Variants in CNTNAP2 observed in about 807,000 individuals in gnomAD.
CNTNAP2 encodes the protein contactin associated protein 2.
In CNTNAP2, 98 loss-of-function variants were observed where a neutral mutation model predicts 155.2. That is an observed-to-expected ratio of 0.63 (90% CI 0.54 to 0.75). The LOEUF (loss-of-function observed/expected upper bound fraction) is 0.75. Ranked by LOEUF, CNTNAP2 falls within the 30% of genes least tolerant of loss-of-function variation. CNTNAP2 has a pLI of 0.00. For synonymous variants in CNTNAP2, 651 were observed against 631.2 expected (o/e 1.03, Z -0.47); for missense variants, 1,727 against 1,688.1 (o/e 1.02, Z -0.40).
At chr7:148,290,110 C>T (rs571631927) in intron 21 of CNTNAP2, among the ~76,000 whole-genome samples, 10 of 152,072 alleles carry the variant, frequency 6.6e-5, no homozygotes, top group East Asian at 3.9e-4. Context: ...TAAGTAGTCA[C>T]GGTATCCTAG....
chr7:147,939,618 C>T (rs536394400), intron 14 of CNTNAP2, among the ~76,000 whole-genome samples: 1 of 152,150 alleles, frequency 6.6e-6, no homozygotes, highest in African/African-American at 2.4e-5. Flanking sequence ...TGAGCCACCA[C>T]GCCTGGCCTC....
At chr7:147,473,344 G>T (rs1798260786) in intron 10 of CNTNAP2, among the ~76,000 whole-genome samples, 1 of 152,118 alleles carries the variant, frequency 6.6e-6, no homozygotes, top group South Asian at 2.1e-4. Flanking sequence ...AAGAAAAGTT[G>T]ATAATTCTGG....
At chr7:146,152,594 A>G (rs903474480) in intron 1 of CNTNAP2, among the ~76,000 whole-genome samples, 5 of 152,138 alleles carry the variant, frequency 3.3e-5, no homozygotes, top group African/African-American at 7.2e-5. Flanking sequence ...TCCACCATGT[A>G]TATATATTTA....
chr7:147,568,440 A>G (rs969912380), intron 12 of CNTNAP2, among the ~76,000 whole-genome samples: 3 of 152,176 alleles, frequency 2.0e-5, no homozygotes, highest in Non-Finnish European at 4.4e-5. Context: ...CCTAAATTAT[A>G]GAGCATTTCA....
chr7:146,655,424 AAAAAAAAAAAG>A (rs1799980587), intron 1 of CNTNAP2, among the ~76,000 whole-genome samples: 1 of 151,314 alleles, frequency 6.6e-6, no homozygotes, highest in African/African-American at 2.4e-5. Context: ...AAAAAAAAAA[AAAAAAAAAAAG>A]AAAGAAAAAT....
chr7:147,584,820 A>G (rs1800585550), intron 12 of CNTNAP2, among the ~76,000 whole-genome samples: 1 of 152,192 alleles, frequency 6.6e-6, no homozygotes, highest in South Asian at 2.1e-4. Context: ...ATGCTTACAC[A>G]GGCCTCTCTC....
At chr7:146,266,151 C>A (rs1232600496) in intron 1 of CNTNAP2, among the ~76,000 whole-genome samples, 1 of 152,112 alleles carries the variant, frequency 6.6e-6, no homozygotes, top group Non-Finnish European at 1.5e-5. Context: ...AGAAGATTAG[C>A]AAAGGCTCCC....
At chr7:147,471,757 C>T in intron 10 of CNTNAP2, among the ~76,000 whole-genome samples, 1 of 152,188 alleles carries the variant, frequency 6.6e-6, no homozygotes, top group East Asian at 1.9e-4. Flanking sequence ...AGGAAACAGA[C>T]ATGTTCCCTA....
intron 13 of CNTNAP2, among the ~76,000 whole-genome samples, chr7:147,643,221 G>C (rs1027280694): frequency 6.6e-6 from 1 of 152,134 alleles, no homozygotes; most frequent in Non-Finnish European, 1.5e-5. Context: ...GGGCTTGTCT[G>C]ACCCATTGAA....
intron 1 of CNTNAP2, among the ~76,000 whole-genome samples, chr7:146,542,222 T>A (rs1797963384): frequency 1.3e-5 from 2 of 151,878 alleles, no homozygotes; most frequent in South Asian, 4.1e-4. Context: ...TAGTTTAATG[T>A]GATAGAGGAA....
At chr7:147,878,898 C>A (rs1295537813) in intron 13 of CNTNAP2, among the ~76,000 whole-genome samples, 1 of 152,122 alleles carries the variant, frequency 6.6e-6, no homozygotes, top group East Asian at 1.9e-4. Context: ...TGACAGGGCT[C>A]AATGAAGATG....
rs568659539 is a variant in CNTNAP2 at position 147,015,328 on chromosome 7, A to G, written c.403-28579A>G. Among the ~76,000 whole-genome samples the G allele has an allele frequency of 1.7e-4, 26 of 152,126 alleles. No homozygotes were observed. In the South Asian group the frequency reaches 5.2e-3, roughly 30 times the overall value. ...ACTGTGATAATATAAAGTTCTTAGCACCTGTCTGACATTTCTTATTTTTAG... is the reference window on the plus strand; with the variant it reads ...ACTGTGATAATATAAAGTTCTTAGCGCCTGTCTGACATTTCTTATTTTTAG... On this transcript the variant is annotated intron_variant, in intron 3 of 23. Transcript: ENST00000361727.
At chr7:147,682,182 T>C (rs894884323) in intron 13 of CNTNAP2, among the ~76,000 whole-genome samples, 1 of 151,898 alleles carries the variant, frequency 6.6e-6, no homozygotes. Flanking sequence ...AAAAATAATG[T>C]ATATCAAAGC....
At position 146,414,745 on chromosome 7, in the gene CNTNAP2, C is replaced by T. The variant is rs573330479; in HGVS notation, c.97+297772C>T. On this transcript the variant is annotated intron_variant, in intron 1 of 23. Coordinates refer to ENST00000361727, the MANE Select transcript of CNTNAP2 (RefSeq NM_014141.6). ...GGTCTCTCTGATGAGCTTGCTTATGCCTGGTATGCACCCATGATGTTTTCC... is the reference window on the plus strand; with the variant it reads ...GGTCTCTCTGATGAGCTTGCTTATGTCTGGTATGCACCCATGATGTTTTCC... 5.3e-5 allele frequency among the ~76,000 whole-genome samples: 8 copies of T among 152,178 alleles called. No individual in the cohort carries two copies. In the South Asian group the frequency reaches 1.2e-3, roughly 24 times the overall value.
chr7:147,977,981 A>G lies in CNTNAP2; in HGVS notation c.2375A>G (p.Gln792Arg), dbSNP rs1445975540. 6.2e-7 allele frequency: 1 copy of G among 1,613,894 alleles called. No individual in the cohort carries two copies. The highest frequency in any genetic ancestry group is 8.5e-7 in the Non-Finnish European group (1 of 1,179,958). The change falls in exon 15 of 24, where the codon CAA becomes CGA. Residue 792 changes from glutamine (Q) to arginine (R), a missense_variant. By Grantham distance (43) the Gln-to-Arg change is conservative. Transcript: ENST00000361727. ...TTGAGCGTAGGTCCTCTGCGCTGCCAAGGAGACAGTAAGTTTGCATAGCAG... is the reference window on the plus strand; with the variant it reads ...TTGAGCGTAGGTCCTCTGCGCTGCCGAGGAGACAGTAAGTTTGCATAGCAG... ...AKLSVGPLRC[Q>R]GDRNYWNAAS...
At chr7:148,034,272 T>G (rs1802533230) in intron 15 of CNTNAP2, among the ~76,000 whole-genome samples, 1 of 152,300 alleles carries the variant, frequency 6.6e-6, no homozygotes, top group Admixed American at 6.5e-5. Context: ...AATCACCCAG[T>G]CTTACGTCCT....
intron 1 of CNTNAP2, among the ~76,000 whole-genome samples, chr7:146,679,341 T>G (rs911651302): frequency 8.1e-6 from 1 of 122,938 alleles, no homozygotes; most frequent in African/African-American, 2.9e-5. Flanking sequence ...GGACATGATC[T>G]TGTTTCTTTT....
At chr7:147,769,331 T>C (rs1408309338) in intron 13 of CNTNAP2, among the ~76,000 whole-genome samples, 1 of 152,090 alleles carries the variant, frequency 6.6e-6, no homozygotes. Flanking sequence ...GCTGAAAGAG[T>C]GTGTCAGAAT....
chr7:146,966,086 C>G (rs1377913913), intron 3 of CNTNAP2, among the ~76,000 whole-genome samples: 3 of 152,168 alleles, frequency 2.0e-5, no homozygotes, highest in Non-Finnish European at 4.4e-5. Context: ...CTCCTTGAGC[C>G]TCTCTAGTTG....
Sources: allele counts gnomAD v4.1 joint callset (sites outside exome capture counted in the v4.1 genomes callset), GRCh38; gene constraint gnomAD v4.1.1; transcripts MANE v1.5; gene names NCBI Gene and HGNC (gene_info 2026-07-23, HGNC 2026-07-21).